Variants in TGFBR3 observed in about 807,000 individuals in gnomAD.
TGFBR3 encodes transforming growth factor beta receptor 3.
Under a neutral mutation model 87.9 loss-of-function variants are expected in TGFBR3, and 46 were observed. The observed-to-expected ratio is 0.52, with a 90% CI of 0.41 to 0.67. The LOEUF (loss-of-function observed/expected upper bound fraction) is 0.67. Among genes scored for constraint, TGFBR3 ranks in the 30% least tolerant of loss-of-function variants. The pLI, the probability that TGFBR3 is intolerant of heterozygous loss-of-function variation, is 0.00. For missense variants in TGFBR3, 866 were observed against 1,041.9 expected (o/e 0.83, Z 2.32); for synonymous variants, 381 against 391.6 (o/e 0.97, Z 0.32).
intron 2 of TGFBR3, among the ~76,000 whole-genome samples, chr1:91,828,327 G>C (rs1379734268): frequency 1.3e-5 from 2 of 152,118 alleles, no homozygotes; most frequent in African/African-American, 2.4e-5. Flanking sequence ...TCATTAACTA[G>C]TCAAAGGAAA....
intron 3 of TGFBR3, among the ~76,000 whole-genome samples, chr1:91,760,135 T>C (rs1184856349): frequency 2.6e-5 from 4 of 152,254 alleles, no homozygotes; most frequent in Non-Finnish European, 5.9e-5. Flanking sequence ...CACAAAAATA[T>C]TCTATGAATA....
chr1:91,844,585 C>T (rs1677404165), intron 2 of TGFBR3, among the ~76,000 whole-genome samples: 1 of 152,236 alleles, frequency 6.6e-6, no homozygotes, highest in Non-Finnish European at 1.5e-5. Flanking sequence ...ACTTCTCTTT[C>T]TCCCTTTGAA....
At chr1:91,775,005 G>A (rs1674519865) in intron 3 of TGFBR3, among the ~76,000 whole-genome samples, 2 of 152,036 alleles carry the variant, frequency 1.3e-5, no homozygotes, top group Admixed American at 6.5e-5. Flanking sequence ...TACTCCAAAT[G>A]TTTGTTATAG....
intron 16 of TGFBR3, among the ~76,000 whole-genome samples, chr1:91,687,558 T>TG (rs1332627378): frequency 6.6e-6 from 1 of 151,974 alleles, no homozygotes; most frequent in Non-Finnish European, 1.5e-5. Flanking sequence ...GAGGACTCTG[T>TG]GGGGAAACAA....
rs557200358 is a variant in TGFBR3, at chr1:91,882,661, C to G, written c.-114+3217G>C. On this transcript the variant is annotated intron_variant, in intron 1 of 16. Transcript: ENST00000212355. ...TGGGGAGGCTGAGGCAGGAGAATGG[C>G]GTGAACCTGGGAGGTGGAGCTTGCA... Among the ~76,000 whole-genome samples the G allele has an allele frequency of 7.9e-5, 12 of 152,166 alleles. 1 individual carries two copies. The East Asian group carries it at 2.3e-3, about 30-fold the overall frequency.
At chr1:91,872,873 G>A (rs552519089) in intron 1 of TGFBR3, among the ~76,000 whole-genome samples, 1 of 152,164 alleles carries the variant, frequency 6.6e-6, no homozygotes, top group South Asian at 2.1e-4. Context: ...ACATGAAAAC[G>A]AGGTCAGTGT....
Position 91,848,374 on chromosome 1 carries a change from G to A in TGFBR3, c.61+13097C>T, listed in dbSNP as rs1050860009. 3.9e-5 allele frequency among the ~76,000 whole-genome samples: 6 copies of A among 152,224 alleles called. No individual in the cohort carries two copies. The South Asian group carries it at 1.0e-3, about 26-fold the overall frequency. On this transcript the variant is annotated intron_variant, in intron 2 of 16. Coordinates refer to ENST00000212355, the MANE Select transcript of TGFBR3 (RefSeq NM_003243.5). ...ATCTGCATTTTAACAAGATCCCTGG[G>A]TGATTCTCATGCATATAAGAAAGCA... is the stretch of plus-strand genomic sequence containing the variant.
intron 2 of TGFBR3, among the ~76,000 whole-genome samples, chr1:91,822,581 G>C (rs1430195933): frequency 6.6e-6 from 1 of 152,016 alleles, no homozygotes; most frequent in Non-Finnish European, 1.5e-5. Context: ...CTTCACATTA[G>C]TTATTTGCAT....
At chr1:91,870,883 A>C (rs942932235) in intron 1 of TGFBR3, among the ~76,000 whole-genome samples, 1 of 152,158 alleles carries the variant, frequency 6.6e-6, no homozygotes, top group Non-Finnish European at 1.5e-5. Flanking sequence ...TACAAACACA[A>C]ATATTAGCCA....
chr1:91,800,286 A>G (rs1197453365), intron 2 of TGFBR3, among the ~76,000 whole-genome samples: 1 of 144,786 alleles, frequency 6.9e-6, no homozygotes, highest in East Asian at 2.2e-4. Context: ...ACACTCACGC[A>G]TATATATACA....
Position 91,719,415 on chromosome 1 carries a change from T to C in TGFBR3, c.1463A>G (p.Lys488Arg). ...AAAGTGTGTGCCATTCATCTTGGCC[T>C]TGCAGGTAGGATCCAACAGGGTGAC... ...MDVTLLDPTC[K>R]AKMNGTHFVL... The change falls in exon 10 of 17, where the codon AAG (lysine) becomes AGG (arginine). Residue 488 changes from lysine (K) to arginine (R), a missense_variant. By Grantham distance (26) the Lys-to-Arg change is conservative. Coordinates refer to ENST00000212355, the MANE Select transcript of TGFBR3 (RefSeq NM_003243.5). The C allele has an allele frequency of 6.2e-7, 1 of 1,614,148 alleles. No individual in the cohort carries two copies. Among genetic ancestry groups the C allele is most frequent in the Non-Finnish European group, 8.5e-7 (1 of 1,180,016 alleles).
chr1:91,887,956 A>G (rs12077671), upstream of TGFBR3, among the ~76,000 whole-genome samples: 3,329 of 152,268 alleles, frequency 0.022, 122 homozygotes, highest in African/African-American at 0.072. Flanking sequence ...CTCAAATTAA[A>G]CAGTATTTGA....
At chr1:91,850,762 C>T (rs1485923621) in intron 2 of TGFBR3, among the ~76,000 whole-genome samples, 2 of 120,186 alleles carry the variant, frequency 1.7e-5, no homozygotes, top group African/African-American at 6.7e-5. Context: ...GCCTGGGTGA[C>T]AGAGCAAGAC....
chr1:91,805,133 T>C (rs1208098222), intron 2 of TGFBR3, among the ~76,000 whole-genome samples: 13 of 152,160 alleles, frequency 8.5e-5, no homozygotes, highest in Admixed American at 8.5e-4. Context: ...AGAGGTAGAA[T>C]GTGTATTTCA....
intron 2 of TGFBR3, among the ~76,000 whole-genome samples, chr1:91,822,540 A>C (rs983775094): frequency 2.0e-5 from 3 of 152,076 alleles, no homozygotes; most frequent in Admixed American, 2.0e-4. Context: ...CACTTCTCAC[A>C]GACTTTGTTC....
At chr1:91,871,859 C>T (rs773296381) in intron 1 of TGFBR3, among the ~76,000 whole-genome samples, 2 of 152,198 alleles carry the variant, frequency 1.3e-5, no homozygotes, top group African/African-American at 4.8e-5. Flanking sequence ...TTACTTAAAG[C>T]TCCATGCCTG....
intron 10 of TGFBR3, among the ~76,000 whole-genome samples, chr1:91,718,053 G>T (rs545211274): frequency 2.0e-5 from 3 of 152,118 alleles, no homozygotes; most frequent in East Asian, 3.9e-4. Flanking sequence ...GGAGGTCAAA[G>T]GTTAATAAAT....
chr1:91,794,205 C>CTTTTTTT (rs35802375), intron 3 of TGFBR3, among the ~76,000 whole-genome samples: 1 of 148,090 alleles, frequency 6.8e-6, no homozygotes. Context: ...TCTCCTCCAC[C>CTTTTTTT]TTTTTTTTTT....
chr1:91,716,503 C>A, intron 11 of TGFBR3, 65 bp downstream of exon 11: 1 of 1,613,810 alleles, frequency 6.2e-7, no homozygotes, highest in South Asian at 1.1e-5. Context: ...TCAGATAGTC[C>A]CTAACTAAAG....
Sources: allele counts gnomAD v4.1 joint callset (sites outside exome capture counted in the v4.1 genomes callset), GRCh38; gene constraint gnomAD v4.1.1; transcripts MANE v1.5; gene names NCBI Gene and HGNC (gene_info 2026-07-23, HGNC 2026-07-21).